TAFA5: variants seen among roughly 807,000 people sequenced by gnomAD.
The protein encoded by TAFA5 is chemokine-like protein TAFA-5.
TAFA5 carries 6 observed loss-of-function variants against 15.3 expected under a neutral mutation model. The observed-to-expected ratio is 0.39, with a 90% confidence interval of 0.21 to 0.77. The LOEUF (loss-of-function observed/expected upper bound fraction) is 0.77. Among genes scored for constraint, TAFA5 ranks in the 30% least tolerant of loss-of-function variants. The pLI is 0.41. For missense variants in TAFA5, 161 were observed against 193.1 expected (o/e 0.83, Z 0.98); for synonymous variants, 103 against 80.7 (o/e 1.28, Z -1.48).
chr22:48,749,638 C>T (rs188662286), intron 3 of TAFA5, among the ~76,000 whole-genome samples: 17 of 152,286 alleles, frequency 1.1e-4, no homozygotes, highest in African/African-American at 2.9e-4. Flanking sequence ...CCCACTCTCC[C>T]GAGACACAAG....
intron 1 of TAFA5, among the ~76,000 whole-genome samples, chr22:48,620,163 G>A (rs1415621736): frequency 1.3e-5 from 2 of 152,074 alleles, no homozygotes; most frequent in African/African-American, 4.8e-5. Context: ...GGGAACTCTT[G>A]CCTCACCTCC....
At chr22:48,534,200 C>T (rs1482185599) in intron 1 of TAFA5, among the ~76,000 whole-genome samples, 1 of 144,818 alleles carries the variant, frequency 6.9e-6, no homozygotes, top group East Asian at 2.0e-4. Flanking sequence ...GGTGGGGAGG[C>T]AGGCAGGTGA....
intron 1 of TAFA5, among the ~76,000 whole-genome samples, chr22:48,510,777 G>T (rs1471335669): frequency 6.6e-6 from 1 of 152,248 alleles, no homozygotes; most frequent in East Asian, 1.9e-4. Flanking sequence ...AGGTGGATTT[G>T]GATGTGTATG....
chr22:48,583,173 C>T (rs1287333124), intron 1 of TAFA5, among the ~76,000 whole-genome samples: 2 of 144,856 alleles, frequency 1.4e-5, no homozygotes, highest in African/African-American at 5.2e-5. Flanking sequence ...CCACACACCA[C>T]ACACACAGTG....
chr22:48,688,711 C>T (rs1185977194), intron 2 of TAFA5, among the ~76,000 whole-genome samples: 1 of 152,198 alleles, frequency 6.6e-6, no homozygotes, highest in Non-Finnish European at 1.5e-5. Context: ...AAAAAGAGGG[C>T]TGGGCACAGT....
At chr22:48,683,021 AT>A (rs1250491298) in intron 2 of TAFA5, among the ~76,000 whole-genome samples, 1 of 152,190 alleles carries the variant, frequency 6.6e-6, no homozygotes, top group Non-Finnish European at 1.5e-5. Context: ...TTTCGGTAAT[AT>A]TCAGCTAGTG....
chr22:48,507,289 A>G (rs1039709145), intron 1 of TAFA5, among the ~76,000 whole-genome samples: 2 of 139,482 alleles, frequency 1.4e-5, no homozygotes, highest in Non-Finnish European at 3.1e-5. Context: ...ATCAAGGGCC[A>G]GGTGTGCAGT....
intron 1 of TAFA5, among the ~76,000 whole-genome samples, chr22:48,509,224 G>A (rs752390391): frequency 4.7e-4 from 72 of 152,160 alleles, no homozygotes; most frequent in Non-Finnish European, 8.1e-4. Flanking sequence ...TGGACACTTA[G>A]GCTGATTCTG....
At chr22:48,731,657 A>T (rs954943423) in intron 3 of TAFA5, among the ~76,000 whole-genome samples, 1 of 152,202 alleles carries the variant, frequency 6.6e-6, no homozygotes, top group Non-Finnish European at 1.5e-5. Flanking sequence ...ACATCTGTGT[A>T]TGGCATGGTT....
At chr22:48,511,065 T>C (rs560567885) in intron 1 of TAFA5, among the ~76,000 whole-genome samples, 40 of 152,228 alleles carry the variant, frequency 2.6e-4, no homozygotes, top group Middle Eastern at 3.2e-3. Context: ...CAAGCAGTTT[T>C]AGGGTCAACC....
Position 48,566,383 on chromosome 22 carries a change from G to A in TAFA5, c.112+76679G>A, listed in dbSNP as rs1923409321. On this transcript the variant is annotated intron_variant, in intron 1 of 3. Coordinates refer to ENST00000402357, the MANE Select transcript of TAFA5 (RefSeq NM_001082967.3). This position sits in a 1 kb window ranked among gnomAD's most constrained non-coding sequence, Gnocchi z 4.5. ...TGGACGGATGGTGGATGGATGGGTG[G>A]ATGGTGAATGATGGGTAGATGGTAG... is the stretch of plus-strand genomic sequence containing the variant. Among the ~76,000 whole-genome samples the A allele has an allele frequency of 1.3e-5, 2 of 152,048 alleles. No homozygotes were observed. The highest frequency in any genetic ancestry group is 4.8e-5 in the African/African-American group (2 of 41,398).
chr22:48,518,171 C>T lies in TAFA5; in HGVS notation c.112+28467C>T, dbSNP rs199997683. The stretch of plus-strand genomic sequence containing the variant: ...AGGTCTGGGAGGCTTTCTCCACCCT[C>T]GGGTCCCAGGAGCTGAGATGGTACC... On this transcript the variant is annotated intron_variant, in intron 1 of 3. Transcript: ENST00000402357. Among the ~76,000 whole-genome samples the T allele has an allele frequency of 8.6e-4, 131 of 152,336 alleles. 1 individual carries two copies. The East Asian group carries it at 0.01, about 12-fold the overall frequency.
intron 2 of TAFA5, among the ~76,000 whole-genome samples, chr22:48,679,681 C>T (rs1429707377): frequency 6.8e-5 from 8 of 117,250 alleles, no homozygotes; most frequent in Non-Finnish European, 1.2e-4. Context: ...CCCGTCTCCC[C>T]GTCCATCCCT....
chr22:48,625,836 G>A (rs1269627550), intron 1 of TAFA5, among the ~76,000 whole-genome samples: 1 of 152,108 alleles, frequency 6.6e-6, no homozygotes, highest in Admixed American at 6.5e-5. Flanking sequence ...AATACCCTGG[G>A]TCCAACTATT....
intron 1 of TAFA5, among the ~76,000 whole-genome samples, chr22:48,570,542 C>CA (rs1483764008): frequency 6.6e-6 from 1 of 152,208 alleles, no homozygotes; most frequent in Non-Finnish European, 1.5e-5. Context: ...TTTTTAGTTT[C>CA]AACATGCGTG....
At chr22:48,658,175 C>T (rs1320613010) in intron 2 of TAFA5, among the ~76,000 whole-genome samples, 1 of 149,428 alleles carries the variant, frequency 6.7e-6, no homozygotes, top group African/African-American at 2.4e-5. Context: ...TGCCAGAGGA[C>T]CTTGAGCTGC....
intron 1 of TAFA5, among the ~76,000 whole-genome samples, chr22:48,615,887 T>C (rs1925585627): frequency 6.6e-6 from 1 of 152,184 alleles, no homozygotes. Flanking sequence ...GCCTTGCCCC[T>C]CCAATGGCCT....
Position 48,736,510 on chromosome 22 carries a change from A to G in TAFA5, c.391-13329A>G, listed in dbSNP as rs113544623. Among the ~76,000 whole-genome samples, 444 of 136,282 alleles carry G rather than the reference A, an allele frequency of 3.3e-3. 71 individuals are homozygous for G. Among genetic ancestry groups the G allele is most frequent in the African/African-American group, 0.015 (413 of 27,772 alleles). The allele number at this position is 136,282 out of a possible 152,430, so 89.4% of individuals were successfully genotyped here. ...GTCCATCCCCCCAGGAGGAATGAGA[A>G]CATGTCCACACACAAACCTGTACAC... On this transcript the variant is annotated intron_variant, in intron 3 of 3. Transcript: ENST00000402357.
At chr22:48,558,550 T>C (rs133454) in intron 1 of TAFA5, among the ~76,000 whole-genome samples, 124,541 of 152,166 alleles carry the variant, frequency 0.82, 51,017 homozygotes, top group African/African-American at 0.85. Context: ...GTCTCTCTCC[T>C]GCCATCCATG....
Sources: gnomAD v4.1 joint callset for allele counts (sites outside exome capture counted in the v4.1 genomes callset) on GRCh38, gnomAD v4.1.1 for gene constraint, Gnocchi (gnomAD v3.1) non-coding constraint, MANE v1.5 for transcripts, NCBI Gene and HGNC (gene_info 2026-07-23, HGNC 2026-07-21) for gene names.